ASS1: variants seen among roughly 807,000 people sequenced by gnomAD.
The protein encoded by ASS1 is argininosuccinate synthase 1.
Under a neutral mutation model 60.5 loss-of-function variants are expected in ASS1, and 58 were observed. That is an observed-to-expected ratio of 0.96 (90% CI 0.78 to 1.19). ASS1 has a LOEUF of 1.19. ASS1 is among the 50% of genes most tolerant of loss of function. The pLI is 0.00. For synonymous variants in ASS1, 200 were observed against 206.9 expected (o/e 0.97, Z 0.29); for missense variants, 454 against 547.3 (o/e 0.83, Z 1.70).
intron 4 of ASS1, among the ~76,000 whole-genome samples, chr9:130,458,869 A>G (rs937266619): frequency 1.3e-5 from 2 of 152,248 alleles, no homozygotes; most frequent in African/African-American, 4.8e-5. Flanking sequence ...GCCTGGGGAC[A>G]TTGTCCAAGG....
intron 11 of ASS1, among the ~76,000 whole-genome samples, chr9:130,485,620 C>T (rs955385432): frequency 4.6e-5 from 7 of 152,120 alleles, no homozygotes; most frequent in Admixed American, 4.6e-4. Context: ...CAGGATGGCG[C>T]CATTACGACT....
chr9:130,446,342 T>C (rs752376804), intron 1 of ASS1, among the ~76,000 whole-genome samples: 4 of 152,176 alleles, frequency 2.6e-5, no homozygotes, highest in Non-Finnish European at 4.4e-5. Flanking sequence ...ACTGGGAAGC[T>C]TGGCTAGGAG....
At chr9:130,458,709 C>A in intron 4 of ASS1, 120 bp downstream of exon 4, 3 of 1,373,128 alleles carry the variant, frequency 2.2e-6, no homozygotes, top group South Asian at 1.4e-5. Flanking sequence ...TGCAAGGCAG[C>A]TACATGGCTT....
rs1218034924 is a variant in ASS1 at position 130,493,215 on chromosome 9, T to C, written c.971-1652T>C. 2.0e-5 allele frequency among the ~76,000 whole-genome samples: 3 copies of C among 152,156 alleles called. No homozygotes were observed. In the East Asian group the frequency reaches 5.8e-4, roughly 29 times the overall value. On this transcript the variant is annotated intron_variant, in intron 12 of 14. Coordinates refer to ENST00000352480, the MANE Select transcript of ASS1 (RefSeq NM_054012.4). ...ATCAGACCTGGGCTCTTCCAAAGTC[T>C]TGCTGTGTGGCCTTGGACAGGCTCT...
chr9:130,497,759 G>A (rs149309384), intron 13 of ASS1, among the ~76,000 whole-genome samples: 7 of 152,268 alleles, frequency 4.6e-5, no homozygotes, highest in Non-Finnish European at 8.8e-5. Context: ...ACACAGAGGT[G>A]GGGGGATTCT....
chr9:130,486,052 T>C (rs1281863586), intron 11 of ASS1, among the ~76,000 whole-genome samples: 1 of 152,138 alleles, frequency 6.6e-6, no homozygotes, highest in Non-Finnish European at 1.5e-5. Flanking sequence ...AGTGGTACGA[T>C]CATGACTCAC....
chr9:130,448,812 C>T (rs1190392539), intron 1 of ASS1, among the ~76,000 whole-genome samples: 2 of 152,220 alleles, frequency 1.3e-5, no homozygotes, highest in African/African-American at 4.8e-5. Flanking sequence ...GATCCACCCA[C>T]CTCGGCCGTC....
chr9:130,485,228 C>T lies in ASS1; in HGVS notation c.839-4105C>T, dbSNP rs114368711. The stretch of plus-strand genomic sequence containing the variant: ...GCGATGCTGTGGCCTCGAATGTTCT[C>T]GAGACAAGACTGTCAGTAAGTAGGG... On this transcript the variant is annotated intron_variant, in intron 11 of 14. Coordinates refer to ENST00000352480, the MANE Select transcript of ASS1 (RefSeq NM_054012.4). Among the ~76,000 whole-genome samples the T allele has an allele frequency of 6.0e-3, 912 of 152,250 alleles. 8 individuals carry two copies. Among genetic ancestry groups the T allele is most frequent in the African/African-American group, 0.02 (826 of 41,532 alleles).
intron 12 of ASS1, among the ~76,000 whole-genome samples, chr9:130,490,094 C>T (rs1392129438): frequency 3.9e-5 from 6 of 152,278 alleles, no homozygotes; most frequent in African/African-American, 9.6e-5. Flanking sequence ...GTGGAAGGAC[C>T]GGTGGGTGAC....
chr9:130,497,468 C>A (rs1000487129), intron 13 of ASS1, among the ~76,000 whole-genome samples: 2 of 150,628 alleles, frequency 1.3e-5, no homozygotes, highest in African/African-American at 4.9e-5. Flanking sequence ...CAGAGGTTTT[C>A]TGTAGACCGT....
chr9:130,458,631 G>T, intron 4 of ASS1, 42 bp downstream of exon 4: 1 of 1,594,954 alleles, frequency 6.3e-7, no homozygotes, highest in East Asian at 2.3e-5. Context: ...AGATGGAGGC[G>T]GAGGGGTGTG....
At chr9:130,480,622 G>A (rs1037963515) in intron 11 of ASS1, among the ~76,000 whole-genome samples, 173 bp downstream of exon 11, 6 of 152,244 alleles carry the variant, frequency 3.9e-5, no homozygotes, top group Non-Finnish European at 7.3e-5. Flanking sequence ...AGTGGGGATC[G>A]TGGGCCCTTT....
intron 13 of ASS1, among the ~76,000 whole-genome samples, chr9:130,497,338 C>T (rs567472778): frequency 4.3e-4 from 65 of 152,288 alleles, no homozygotes; most frequent in Non-Finnish European, 7.8e-4. Context: ...GACAGCGTCA[C>T]AGGGACCAGC....
intron 10 of ASS1, 55 bp from the exon 11 acceptor site, chr9:130,480,330 G>A (rs1846136812): frequency 1.2e-6 from 2 of 1,606,064 alleles, no homozygotes; most frequent in African/African-American, 1.3e-5. Flanking sequence ...AGCTGGGTGG[G>A]TGACTCTGAG....
intron 8 of ASS1, among the ~76,000 whole-genome samples, chr9:130,473,126 T>A (rs1308635048): frequency 1.3e-5 from 2 of 152,168 alleles, no homozygotes; most frequent in Non-Finnish European, 2.9e-5. Flanking sequence ...GGATTAAGGA[T>A]CCTGCTACCT....
At chr9:130,486,221 A>G (rs1846304148) in intron 11 of ASS1, among the ~76,000 whole-genome samples, 1 of 152,120 alleles carries the variant, frequency 6.6e-6, no homozygotes, top group African/African-American at 2.4e-5. Flanking sequence ...TTGGCGTAGT[A>G]GCTAGGACCA....
chr9:130,474,069 C>G lies in ASS1; in HGVS notation c.597+2554C>G, dbSNP rs1184868624. Among the ~76,000 whole-genome samples, 276 of 124,582 alleles carry G rather than the reference C, an allele frequency of 2.2e-3. 15 individuals are homozygous for G. The highest frequency in any genetic ancestry group is 7.7e-3 in the Middle Eastern group (2 of 260). 81.7% of individuals were successfully genotyped at this position (124,582 alleles called of 152,430 possible). A position where few individuals can be genotyped will look rare whatever the true frequency, so the allele number is the denominator to read the frequency against. The stretch of plus-strand genomic sequence containing the variant: ...CTCTCTTCCCTCCCCCGCACCCCCC[C>G]CCCCCCACAGATGACATTGGAAGTG... On this transcript the variant is annotated intron_variant, in intron 8 of 14. Transcript: ENST00000352480.
At chr9:130,480,533 T>C in intron 11 of ASS1, 84 bp downstream of exon 11, 1 of 1,464,724 alleles carries the variant, frequency 6.8e-7, no homozygotes. Flanking sequence ...CTTTGGACGC[T>C]ACTACCCCCA....
intron 1 of ASS1, chr9:130,445,316 T>G (rs1290226901): frequency 1.2e-6 from 1 of 852,164 alleles, no homozygotes; most frequent in African/African-American, 1.8e-5. Flanking sequence ...TCTGGACTCC[T>G]TGTCGGATCC....
Sources: gnomAD v4.1 joint callset for allele counts (sites outside exome capture counted in the v4.1 genomes callset) on GRCh38, gnomAD v4.1.1 for gene constraint, MANE v1.5 for transcripts, NCBI Gene and HGNC (gene_info 2026-07-23, HGNC 2026-07-21) for gene names.